Variants in SPINT2 observed in about 807,000 individuals in gnomAD.
SPINT2 encodes the protein kunitz-type protease inhibitor 2.
A neutral mutation model predicts 30.1 loss-of-function variants in SPINT2; 18 were observed. That is an observed-to-expected ratio of 0.60 (90% CI 0.41 to 0.89). The LOEUF (loss-of-function observed/expected upper bound fraction) is 0.89. SPINT2 is among the 40% of genes least tolerant of loss of function. SPINT2 has a pLI of 0.00. For missense variants in SPINT2, 276 were observed against 334.3 expected, an observed-to-expected ratio of 0.83 and a Z score of 1.36; for synonymous variants, 139 against 137.9, an observed-to-expected ratio of 1.01 and a Z score of -0.05.
intron 2 of SPINT2, 30 bp from the exon 3 acceptor site, chr19:38,287,846 T>G (rs775527813): frequency 6.2e-7 from 1 of 1,613,944 alleles, no homozygotes; most frequent in South Asian, 1.1e-5. Context: ...GAAAGCTCTT[T>G]CACTGTGCTG....
intron 3 of SPINT2, 87 bp downstream of exon 3, chr19:38,288,022 G>A (rs1003346809): frequency 3.5e-5 from 52 of 1,478,896 alleles, no homozygotes; most frequent in Non-Finnish European, 4.8e-5. Context: ...ACTGTCACAG[G>A]CTTCCCTCTC....
At chr19:38,291,079 T>TTC (rs1968712323) in intron 6 of SPINT2, 1 of 216,268 alleles carries the variant, frequency 4.6e-6, no homozygotes, top group Non-Finnish European at 9.4e-6. Flanking sequence ...CTCCACCTGT[T>TTC]TCCCGGTGAA....
intron 2 of SPINT2, among the ~76,000 whole-genome samples, chr19:38,285,443 C>A (rs550300580): frequency 1.3e-5 from 2 of 152,198 alleles, no homozygotes; most frequent in African/African-American, 4.8e-5. Context: ...CTCCTGGGTT[C>A]AAGTGATTCT....
At chr19:38,287,006 T>C (rs1968649793) in intron 2 of SPINT2, among the ~76,000 whole-genome samples, 1 of 152,148 alleles carries the variant, frequency 6.6e-6, no homozygotes, top group South Asian at 2.1e-4. Context: ...TGGAAGTCAC[T>C]GTGTTTTGAT....
chr19:38,289,216 C>T (rs3745948), intron 4 of SPINT2, 25 bp downstream of exon 4: 35,307 of 1,607,720 alleles, frequency 0.022, 649 homozygotes, highest in East Asian at 0.089. Flanking sequence ...AGGCCAGGTG[C>T]GGTGGCTCAC....
chr19:38,291,945 G>A lies in SPINT2; in HGVS notation c.698G>A (p.Arg233His), dbSNP rs115746965. Residue 233 changes from arginine to histidine, a missense_variant, in exon 7 of 7, where the codon CGC (arginine) becomes CAC (histidine). Coordinates refer to ENST00000301244, the MANE Select transcript of SPINT2 (RefSeq NM_021102.4). Reference sequence around the variant, plus strand: ...CGGAGGAACCAGGAGCGTGCCCTGCGCACCGTCTGGAGCTCCGGAGATGAC... The same window carrying A: ...CGGAGGAACCAGGAGCGTGCCCTGCACACCGTCTGGAGCTCCGGAGATGAC... The part of the protein sequence containing the change: ...VARRNQERAL[R>H]TVWSSGDDKE... 5.2e-4 allele frequency: 839 copies of A among 1,614,098 alleles called. 6 individuals are homozygous for A. The African/African-American group carries it at 0.01, about 20-fold the overall frequency.
chr19:38,285,036 T>C (rs1221435582), intron 2 of SPINT2, among the ~76,000 whole-genome samples: 1 of 152,112 alleles, frequency 6.6e-6, no homozygotes, highest in Non-Finnish European at 1.5e-5. Flanking sequence ...TTATTTTTAA[T>C]TGTGGGACAA....
At chr19:38,282,954 C>T (rs573714536) in intron 1 of SPINT2, among the ~76,000 whole-genome samples, 12 of 152,196 alleles carry the variant, frequency 7.9e-5, no homozygotes, top group African/African-American at 2.6e-4. Flanking sequence ...CCCCTTGGCC[C>T]TGTGGGATGG....
In SPINT2 at chr19:38,283,799, T is replaced by G. The variant is rs878980744; in HGVS notation, c.277+2T>G. The G allele has an allele frequency of 6.2e-7, 1 of 1,610,616 alleles. No homozygotes were observed. The highest frequency in any genetic ancestry group is 8.5e-7 in the Non-Finnish European group (1 of 1,178,850). ...TCAAGAAATGTGCCACTGTCACAGG[T>G]GAGATGGCAGTAGTTGGAGCTTTTG... On this transcript the variant is annotated splice_donor_variant, in intron 2 of 6. Coordinates refer to ENST00000301244, the MANE Select transcript of SPINT2 (RefSeq NM_021102.4). LOFTEE classifies it high-confidence loss of function.
chr19:38,292,041 G>A lies in SPINT2; in HGVS notation c.*35G>A, dbSNP rs1360983297. The A allele has an allele frequency of 1.9e-6, 3 of 1,612,002 alleles. No individual in the cohort carries two copies. Among genetic ancestry groups the A allele is most frequent in the Non-Finnish European group, 2.5e-6 (3 of 1,179,282 alleles). The stretch of plus-strand genomic sequence containing the variant: ...CGCCAAGAGGACTGGGGAAGGGAGG[G>A]GAGACTATGTGTGAGCTTTTTTTAA... On this transcript the variant is annotated 3_prime_UTR_variant, in exon 7 of 7. Transcript: ENST00000301244.
intron 1 of SPINT2, among the ~76,000 whole-genome samples, chr19:38,279,868 G>C (rs1017960729): frequency 1.3e-5 from 2 of 152,204 alleles, no homozygotes; most frequent in East Asian, 3.9e-4. Flanking sequence ...TGGCCAGGCT[G>C]GTCTCGAACT....
At chr19:38,289,053 C>G in intron 3 of SPINT2, 85 bp from the exon 4 acceptor site, 1 of 1,229,938 alleles carries the variant, frequency 8.1e-7, no homozygotes, top group South Asian at 1.2e-5. Context: ...CCACACTCCT[C>G]AGTGGGCCCT....
At position 38,290,584 on chromosome 19, in the gene SPINT2, C is replaced by A. The variant is rs369738764; in HGVS notation, c.592+9C>A. On this transcript the variant is annotated intron_variant, in intron 6 of 6. Transcript: ENST00000301244. The surrounding 1 kb of genome is among the most constrained non-coding windows in gnomAD (Gnocchi z 4.3). ...GCCCCTTGGCTCAAAGGGTAAGTGG[C>A]CCCTTACCCTCCTCCTGCCATCAGC... The A allele has an allele frequency of 6.2e-7, 1 of 1,613,714 alleles. No individual in the cohort carries two copies. Among genetic ancestry groups the A allele is most frequent in the African/African-American group, 1.3e-5 (1 of 75,064 alleles).
At chr19:38,271,842 C>T (rs1968460757) in intron 1 of SPINT2, among the ~76,000 whole-genome samples, 1 of 151,170 alleles carries the variant, frequency 6.6e-6, no homozygotes, top group South Asian at 2.1e-4. Flanking sequence ...GGCAAGAATT[C>T]ACATGTTGTT....
intron 1 of SPINT2, among the ~76,000 whole-genome samples, chr19:38,267,346 T>G (rs1968391528): frequency 6.6e-6 from 1 of 152,222 alleles, no homozygotes; most frequent in Admixed American, 6.5e-5. Flanking sequence ...GAGTGTGGTG[T>G]TGCTGAAGCT....
At chr19:38,268,159 G>A (rs559062040) in intron 1 of SPINT2, among the ~76,000 whole-genome samples, 4 of 152,226 alleles carry the variant, frequency 2.6e-5, no homozygotes, top group South Asian at 4.1e-4. Context: ...CTTGTGAGAA[G>A]CATCATGTGG....
In SPINT2 at chr19:38,264,900, A is replaced by AAC; in HGVS notation, c.8_9insAC (p.Leu4ArgfsTer5). ...GTCTCGGCTGAGCTGGCCATGGCGC[A>AAC]GCTGTGCGGGCTGAGGCGGAGCCGG... On this transcript the variant is annotated frameshift_variant, in exon 1 of 7. Coordinates refer to ENST00000301244, the MANE Select transcript of SPINT2 (RefSeq NM_021102.4). LOFTEE classifies it high-confidence loss of function. 2 of 1,534,760 alleles carry AAC rather than the reference A, an allele frequency of 1.3e-6. No individual in the cohort carries two copies. The highest frequency in any genetic ancestry group is 1.7e-6 in the Non-Finnish European group (2 of 1,145,780).
chr19:38,285,078 C>T (rs957167886), intron 2 of SPINT2, among the ~76,000 whole-genome samples: 3 of 152,110 alleles, frequency 2.0e-5, no homozygotes, highest in Non-Finnish European at 2.9e-5. Flanking sequence ...GCCAAGTTAC[C>T]GATCAAGTTA....
At chr19:38,288,027 C>T (rs1201587507) in intron 3 of SPINT2, 92 bp downstream of exon 3, 3 of 1,458,720 alleles carry the variant, frequency 2.1e-6, no homozygotes, top group East Asian at 2.3e-5. Flanking sequence ...CACAGGCTTC[C>T]CTCTCATGGT....
Sources: gnomAD v4.1 joint callset for allele counts (sites outside exome capture counted in the v4.1 genomes callset) on GRCh38, gnomAD v4.1.1 for gene constraint, Gnocchi (gnomAD v3.1) non-coding constraint, MANE v1.5 for transcripts, NCBI Gene and HGNC (gene_info 2026-07-23, HGNC 2026-07-21) for gene names.